NTRK2: variants seen among roughly 807,000 people sequenced by gnomAD.
NTRK2 encodes the protein BDNF/NT-3 growth factors receptor.
A neutral mutation model predicts 94.5 loss-of-function variants in NTRK2; 13 were observed. That is an observed-to-expected ratio of 0.14 (90% CI 0.09 to 0.22). NTRK2 has a LOEUF of 0.22. NTRK2 is among the 10% of genes least tolerant of loss of function. The pLI is 1.00. For missense variants in NTRK2, 639 were observed against 1,071.2 expected, an observed-to-expected ratio of 0.60 and a Z score of 5.63; for synonymous variants, 372 against 407.4, an observed-to-expected ratio of 0.91 and a Z score of 1.05.
At chr9:84,982,454 T>C (rs1024310019) in intron 17 of NTRK2, among the ~76,000 whole-genome samples, 1 of 152,210 alleles carries the variant, frequency 6.6e-6, no homozygotes, top group Non-Finnish European at 1.5e-5. Flanking sequence ...TAGGAATCTA[T>C]GGTCAAAAGA....
chr9:84,719,894 C>A (rs894973046), intron 6 of NTRK2, among the ~76,000 whole-genome samples: 1 of 151,616 alleles, frequency 6.6e-6, no homozygotes, highest in Non-Finnish European at 1.5e-5. Context: ...GTGGTGTGTG[C>A]CCATTATCCC....
intron 14 of NTRK2, among the ~76,000 whole-genome samples, chr9:84,917,492 A>G (rs2077429451): frequency 1.3e-5 from 2 of 152,154 alleles, no homozygotes; most frequent in African/African-American, 4.8e-5. Flanking sequence ...AGATGCTTTG[A>G]GGTGCTGAAG....
intron 9 of NTRK2, among the ~76,000 whole-genome samples, chr9:84,734,647 A>G (rs1465775984): frequency 6.6e-6 from 1 of 152,084 alleles, no homozygotes. Context: ...AATAAGTCTT[A>G]TGAGATCTGA....
At chr9:84,926,173 T>TCTTC (rs2077793864) in intron 14 of NTRK2, among the ~76,000 whole-genome samples, 7 of 47,884 alleles carry the variant, frequency 1.5e-4, no homozygotes, top group East Asian at 5.6e-4. Context: ...TTCCTTCCTT[T>TCTTC]CTTTCTTTCT....
chr9:84,680,002 T>G (rs2059295654), intron 2 of NTRK2, among the ~76,000 whole-genome samples: 1 of 152,204 alleles, frequency 6.6e-6, no homozygotes, highest in Admixed American at 6.5e-5. Context: ...GTTTTCTAAC[T>G]GACCTCTTTG....
intron 12 of NTRK2, among the ~76,000 whole-genome samples, chr9:84,843,173 A>C (rs1439815055): frequency 6.6e-6 from 1 of 152,134 alleles, no homozygotes; most frequent in Non-Finnish European, 1.5e-5. Flanking sequence ...TTCCTACTAT[A>C]TGGCACACAG....
intron 12 of NTRK2, among the ~76,000 whole-genome samples, chr9:84,794,149 G>T (rs1447426703): frequency 6.6e-6 from 1 of 152,124 alleles, no homozygotes; most frequent in African/African-American, 2.4e-5. Context: ...CTACATCCAG[G>T]AGTATTTTAG....
At chr9:84,699,735 T>C (rs1347232094) in intron 2 of NTRK2, among the ~76,000 whole-genome samples, 1 of 151,850 alleles carries the variant, frequency 6.6e-6, no homozygotes, top group Admixed American at 6.6e-5. Flanking sequence ...CTCTTTATTT[T>C]TAATTTATTT....
At chr9:84,901,184 G>GTT (rs1270179675) in intron 14 of NTRK2, among the ~76,000 whole-genome samples, 2 of 145,872 alleles carry the variant, frequency 1.4e-5, no homozygotes, top group African/African-American at 2.5e-5. Flanking sequence ...ATTTTATTTT[G>GTT]TTTTGTTTTG....
In NTRK2 at chr9:84,670,657, C is replaced by A; in HGVS notation, c.-92C>A. 1 of 1,293,798 alleles carries A rather than the reference C, an allele frequency of 7.7e-7. No homozygotes were observed. The highest frequency in any genetic ancestry group is 1.1e-6 in the Non-Finnish European group (1 of 902,018). The allele number at this position is 1,293,798 out of a possible 1,614,324, so 80.1% of individuals were successfully genotyped here. On this transcript the variant is annotated 5_prime_UTR_variant, in exon 2 of 19. Transcript: ENST00000277120. The stretch of plus-strand genomic sequence containing the variant: ...ACAAGCACCGAGGAGTTAAGAGAGC[C>A]GCAAGCGCAGGGAAGGCCTCCCCGC...
At chr9:84,977,903 A>C (rs1013992886) in intron 17 of NTRK2, among the ~76,000 whole-genome samples, 16 of 152,122 alleles carry the variant, frequency 1.1e-4, no homozygotes, top group Non-Finnish European at 1.9e-4. Flanking sequence ...TGTTCCAGTG[A>C]TTTATATTCA....
At chr9:84,974,457 A>G (rs538323942) in intron 17 of NTRK2, among the ~76,000 whole-genome samples, 2 of 152,292 alleles carry the variant, frequency 1.3e-5, no homozygotes, top group African/African-American at 2.4e-5. Context: ...AGTTTTATAG[A>G]TGGTAATTTA....
intron 17 of NTRK2, among the ~76,000 whole-genome samples, chr9:85,008,769 G>A (rs540053583): frequency 5.3e-5 from 8 of 152,178 alleles, no homozygotes; most frequent in African/African-American, 1.7e-4. Flanking sequence ...GGACCACAGC[G>A]TGAATGGTGC....
At chr9:84,734,045 A>G (rs528628728) in intron 9 of NTRK2, among the ~76,000 whole-genome samples, 1 of 152,254 alleles carries the variant, frequency 6.6e-6, no homozygotes, top group Admixed American at 6.5e-5. Context: ...TCAGTCACAG[A>G]TCTGAGTTCC....
intron 12 of NTRK2, among the ~76,000 whole-genome samples, chr9:84,849,398 G>A (rs1252693090): frequency 6.6e-6 from 1 of 152,120 alleles, no homozygotes; most frequent in Admixed American, 6.6e-5. Flanking sequence ...ATCGGTGGGT[G>A]GGGGAGTCCA....
At chr9:84,851,521 A>G (rs2074769022) in intron 12 of NTRK2, among the ~76,000 whole-genome samples, 1 of 152,224 alleles carries the variant, frequency 6.6e-6, no homozygotes, top group African/African-American at 2.4e-5. Context: ...TTCCTAACAG[A>G]AGAGTACACA....
At chr9:84,813,077 T>G (rs2071993034) in intron 12 of NTRK2, 8 of 1,039,880 alleles carry the variant, frequency 7.7e-6, no homozygotes, top group Non-Finnish European at 9.3e-6. Context: ...TAGAGCTTCC[T>G]AATGCATGTG....
intron 12 of NTRK2, among the ~76,000 whole-genome samples, chr9:84,824,862 A>T (rs2073082614): frequency 6.6e-6 from 1 of 152,072 alleles, no homozygotes; most frequent in Admixed American, 6.6e-5. Flanking sequence ...TTGGAGATAC[A>T]CCCTCTAAAA....
intron 14 of NTRK2, among the ~76,000 whole-genome samples, chr9:84,926,109 CCTTCCTTCCTTCCTTCCTT>C (rs2077762276): frequency 1.6e-4 from 7 of 43,894 alleles, no homozygotes; most frequent in African/African-American, 4.1e-4. Flanking sequence ...TCCTTCCTTT[CCTTCCTTCCTTCCTTCCTT>C]CCTTCCTTCC....
Sources: allele counts gnomAD v4.1 joint callset (sites outside exome capture counted in the v4.1 genomes callset), GRCh38; gene constraint gnomAD v4.1.1; transcripts MANE v1.5; gene names NCBI Gene and HGNC (gene_info 2026-07-23, HGNC 2026-07-21).